Variants in ARSB observed in about 807,000 individuals in gnomAD.
ARSB encodes the protein N-acetylgalactosamine-4-sulfatase.
Under a neutral mutation model 50.9 loss-of-function variants are expected in ARSB, and 41 were observed. The observed-to-expected ratio is 0.81, with a 90% CI of 0.63 to 1.04. The LOEUF is 1.04. ARSB is among the 50% of genes least tolerant of loss of function. The probability of loss-of-function intolerance (pLI) is 0.00; values close to 1 mark genes in which losing one functional copy is unlikely to be tolerated. For missense variants in ARSB, 672 were observed against 693.3 expected (o/e 0.97, Z 0.35); for synonymous variants, 269 against 284.8 (o/e 0.94, Z 0.56).
chr5:78,914,673 T>C (rs190700494), intron 4 of ARSB, among the ~76,000 whole-genome samples: 3 of 152,328 alleles, frequency 2.0e-5, no homozygotes, highest in Admixed American at 1.3e-4. Context: ...ATTCGTTTTA[T>C]TTCATGAAAG....
intron 4 of ARSB, among the ~76,000 whole-genome samples, chr5:78,921,536 T>C (rs958913901): frequency 3.3e-5 from 5 of 152,222 alleles, no homozygotes; most frequent in Non-Finnish European, 7.3e-5. Flanking sequence ...TAAAATTAAT[T>C]TCACGTGTTT....
rs1325503646 is a variant in ARSB, at chr5:78,982,175, G to A, written c.312+2762C>T. ...CCTGACCTCATGATCCACCCGCCTC[G>A]GCCTCCCAAAGTGCTGGGATTACAG... On this transcript the variant is annotated intron_variant, in intron 1 of 7. Transcript: ENST00000264914. Among the ~76,000 whole-genome samples the A allele has an allele frequency of 3.4e-5, 5 of 145,520 alleles. 2 individuals carry two copies. Among genetic ancestry groups the A allele is most frequent in the Non-Finnish European group, 7.6e-5 (5 of 66,168 alleles).
chr5:78,889,967 G>C (rs1275036586), intron 4 of ARSB, among the ~76,000 whole-genome samples: 2 of 152,164 alleles, frequency 1.3e-5, no homozygotes, highest in Non-Finnish European at 2.9e-5. Flanking sequence ...TACCAAGCCT[G>C]GACATCTCTT....
At chr5:78,979,020 T>C (rs1322818689) in intron 1 of ARSB, among the ~76,000 whole-genome samples, 16 of 152,168 alleles carry the variant, frequency 1.1e-4, no homozygotes, top group Admixed American at 9.8e-4. Flanking sequence ...CAAAGGACAC[T>C]ATCAGGAAAG....
chr5:78,875,479 C>T (rs1048982265), intron 5 of ARSB, among the ~76,000 whole-genome samples: 1 of 151,870 alleles, frequency 6.6e-6, no homozygotes, highest in Non-Finnish European at 1.5e-5. Flanking sequence ...ATGCTGTAGA[C>T]GTTAGTTTAT....
intron 4 of ARSB, among the ~76,000 whole-genome samples, chr5:78,918,517 A>C (rs1749659309): frequency 6.6e-6 from 1 of 151,888 alleles, no homozygotes; most frequent in Admixed American, 6.6e-5. Context: ...TAGTCTCATA[A>C]ATTTTAAGTG....
intron 5 of ARSB, chr5:78,882,836 T>A (rs1193038826): frequency 7.5e-6 from 1 of 132,862 alleles, no homozygotes; most frequent in Non-Finnish European, 1.5e-5. Context: ...GAGGCTGGAG[T>A]GCAGTGGCAC....
At chr5:78,966,341 G>A (rs993672734) in intron 2 of ARSB, among the ~76,000 whole-genome samples, 3 of 152,200 alleles carry the variant, frequency 2.0e-5, no homozygotes, top group Admixed American at 1.3e-4. Flanking sequence ...AAAGATGATG[G>A]CAGCCTATGC....
intron 4 of ARSB, among the ~76,000 whole-genome samples, chr5:78,941,706 G>A (rs1750935986): frequency 6.6e-6 from 1 of 152,016 alleles, no homozygotes. Flanking sequence ...GAGGATTTTT[G>A]CATCAATGTT....
chr5:78,897,063 AGAG>A (rs1294683984), intron 4 of ARSB, among the ~76,000 whole-genome samples: 1 of 151,442 alleles, frequency 6.6e-6, no homozygotes, highest in African/African-American at 2.4e-5. Flanking sequence ...ACAAAAAAAA[AGAG>A]AGAGCAGGGA....
At chr5:78,946,892 T>C (rs189249763) in intron 4 of ARSB, among the ~76,000 whole-genome samples, 1 of 152,232 alleles carries the variant, frequency 6.6e-6, no homozygotes, top group Non-Finnish European at 1.5e-5. Context: ...TATAGAGTTA[T>C]AGTAACCAAA....
intron 4 of ARSB, among the ~76,000 whole-genome samples, chr5:78,931,668 G>A (rs1750332740): frequency 9.5e-6 from 1 of 104,790 alleles, no homozygotes; most frequent in Non-Finnish European, 1.9e-5. Flanking sequence ...CACATGAAGT[G>A]ATATGAAAAC....
At chr5:78,810,754 G>T (rs1743777749) in intron 6 of ARSB, among the ~76,000 whole-genome samples, 1 of 152,216 alleles carries the variant, frequency 6.6e-6, no homozygotes, top group African/African-American at 2.4e-5. Context: ...AGGATCTGTA[G>T]TCAGCCTTCC....
At chr5:78,782,885 A>G (rs2112620657) in intron 6 of ARSB, among the ~76,000 whole-genome samples, 1 of 152,266 alleles carries the variant, frequency 6.6e-6, no homozygotes, top group East Asian at 1.9e-4. Flanking sequence ...GAGTGCTTAC[A>G]TATATCCAGG....
chr5:78,984,184 A>C (rs989345706), intron 1 of ARSB, among the ~76,000 whole-genome samples: 1 of 152,234 alleles, frequency 6.6e-6, no homozygotes, highest in Non-Finnish European at 1.5e-5. Context: ...GGGTAAAAAC[A>C]ACTACCTCAT....
chr5:78,787,534 G>A (rs1749126899), intron 6 of ARSB, among the ~76,000 whole-genome samples: 1 of 152,178 alleles, frequency 6.6e-6, no homozygotes, highest in Non-Finnish European at 1.5e-5. Flanking sequence ...ACTGTATGTG[G>A]TAATACAGCA....
intron 6 of ARSB, among the ~76,000 whole-genome samples, chr5:78,790,034 G>A (rs934301989): frequency 6.6e-6 from 1 of 152,140 alleles, no homozygotes; most frequent in African/African-American, 2.4e-5. Flanking sequence ...GGAGGGTCTA[G>A]AGGCATTTCC....
chr5:78,890,403 AC>A (rs1018255507), intron 4 of ARSB, among the ~76,000 whole-genome samples: 3 of 151,988 alleles, frequency 2.0e-5, no homozygotes, highest in Admixed American at 6.6e-5. Context: ...AGTGTGTGCC[AC>A]CACGCTTGGC....
chr5:78,961,464 C>T (rs1458328546), intron 3 of ARSB, among the ~76,000 whole-genome samples: 3 of 152,104 alleles, frequency 2.0e-5, no homozygotes, highest in African/African-American at 7.2e-5. Context: ...TGGCAATTTC[C>T]AAACAGTTAC....
Sources: allele counts gnomAD v4.1 joint callset (sites outside exome capture counted in the v4.1 genomes callset), GRCh38; gene constraint gnomAD v4.1.1; transcripts MANE v1.5; gene names NCBI Gene and HGNC (gene_info 2026-07-23, HGNC 2026-07-21).